Variants in PLSCR2 observed in about 807,000 individuals in gnomAD.
PLSCR2 encodes PL scramblase 2.
Under a neutral mutation model 25.3 loss-of-function variants are expected in PLSCR2, and 18 were observed. That is an observed-to-expected ratio of 0.71 (90% CI 0.49 to 1.06). The LOEUF is 1.06. PLSCR2 is among the 50% of genes least tolerant of loss of function. The pLI is 0.00. For synonymous variants in PLSCR2, 88 were observed against 87.3 expected, an observed-to-expected ratio of 1.01 and a Z score of -0.04; for missense variants, 243 against 269.5, an observed-to-expected ratio of 0.90 and a Z score of 0.69.
chr3:146,476,148 CAAG>C (rs1283425859), intron 1 of PLSCR2, among the ~76,000 whole-genome samples: 5 of 152,086 alleles, frequency 3.3e-5, no homozygotes, highest in Admixed American at 6.5e-5. Context: ...AGGCTCCCAC[CAAG>C]AAGAACGAAG....
intron 1 of PLSCR2, among the ~76,000 whole-genome samples, chr3:146,468,084 A>T (rs2041947541): frequency 6.6e-6 from 1 of 152,162 alleles, no homozygotes; most frequent in Non-Finnish European, 1.5e-5. Flanking sequence ...TTCAACAATG[A>T]GTGTACAGTA....
intron 1 of PLSCR2, among the ~76,000 whole-genome samples, chr3:146,472,385 A>T (rs2042147809): frequency 6.6e-6 from 1 of 152,188 alleles, no homozygotes; most frequent in South Asian, 2.1e-4. Flanking sequence ...ACTTCTTTTC[A>T]TGTAGTTCAT....
chr3:146,412,370 C>T (rs1468658745), intron 2 of PLSCR2, among the ~76,000 whole-genome samples: 1 of 152,092 alleles, frequency 6.6e-6, no homozygotes, highest in Non-Finnish European at 1.5e-5. Context: ...CTATGACATC[C>T]TTTGAAATCT....
chr3:146,430,549 T>C (rs2039510323), downstream of PLSCR2, among the ~76,000 whole-genome samples: 2 of 152,222 alleles, frequency 1.3e-5, no homozygotes, highest in East Asian at 1.9e-4. Context: ...CAATTCTCTA[T>C]TGAGTTTTTT....
intron 1 of PLSCR2, among the ~76,000 whole-genome samples, chr3:146,479,060 C>T (rs996731522): frequency 1.3e-5 from 2 of 152,084 alleles, no homozygotes; most frequent in Non-Finnish European, 2.9e-5. Flanking sequence ...ATTTTGTCAC[C>T]ACCAGGCCTA....
chr3:146,495,357 A>G (rs1243123534), intron 1 of PLSCR2, among the ~76,000 whole-genome samples: 2 of 152,244 alleles, frequency 1.3e-5, no homozygotes, highest in Admixed American at 1.3e-4. Flanking sequence ...TTTATATTAT[A>G]TGGGCAACAA....
chr3:146,435,528 A>G (rs2039789545), intron 8 of PLSCR2, among the ~76,000 whole-genome samples: 1 of 152,158 alleles, frequency 6.6e-6, no homozygotes, highest in Non-Finnish European at 1.5e-5. Flanking sequence ...GCCAGAGATG[A>G]TGAGCATTTT....
At chr3:146,456,737 T>A (rs532336156) in intron 3 of PLSCR2, among the ~76,000 whole-genome samples, 3 of 152,248 alleles carry the variant, frequency 2.0e-5, no homozygotes, top group South Asian at 4.1e-4. Flanking sequence ...ATAAACTGAG[T>A]AATCATCTTT....
intron 2 of PLSCR2, among the ~76,000 whole-genome samples, chr3:146,412,445 G>A (rs1160386377): frequency 6.6e-6 from 1 of 152,096 alleles, no homozygotes; most frequent in Non-Finnish European, 1.5e-5. Context: ...AGCACCATTT[G>A]GATGTCACCA....
intron 2 of PLSCR2, among the ~76,000 whole-genome samples, chr3:146,412,748 CTG>C (rs1295527655): frequency 2.0e-5 from 3 of 152,136 alleles, no homozygotes; most frequent in Non-Finnish European, 4.4e-5. Flanking sequence ...GCCCCTACTG[CTG>C]TGTCGTTCCC....
chr3:146,404,533 A>G (rs1271134890), intron 2 of PLSCR2, among the ~76,000 whole-genome samples: 3 of 152,198 alleles, frequency 2.0e-5, no homozygotes, highest in African/African-American at 7.2e-5. Context: ...TGGGGGATGC[A>G]TTCAGACCAC....
rs186761093 is a variant in PLSCR2 at position 146,471,977 on chromosome 3, C to T, written c.-292-11693G>A. On this transcript the variant is annotated intron_variant, in intron 1 of 8. Coordinates refer to the PLSCR2 transcript ENST00000336685. ...TTTTACTTTTATTTTTTCATTTTGA[C>T]TTCTGGTCTTTGAATCTTATTTTAA... Among the ~76,000 whole-genome samples, 8 of 152,298 alleles carry T rather than the reference C, an allele frequency of 5.3e-5. No individual in the cohort carries two copies. The East Asian group carries it at 1.5e-3, about 29-fold the overall frequency.
chr3:146,423,492 G>GTAC (rs1240040644), intron 2 of PLSCR2, among the ~76,000 whole-genome samples: 2 of 151,902 alleles, frequency 1.3e-5, no homozygotes, highest in African/African-American at 4.8e-5. Context: ...GTCACATAAA[G>GTAC]TAGTCATTCA....
At chr3:146,421,947 A>G (rs2039166921) in intron 2 of PLSCR2, among the ~76,000 whole-genome samples, 1 of 152,076 alleles carries the variant, frequency 6.6e-6, no homozygotes, top group Admixed American at 6.6e-5. Flanking sequence ...CTACAGCATC[A>G]TGTATTTATC....
At chr3:146,427,622 T>G (rs1414939388) in intron 2 of PLSCR2, among the ~76,000 whole-genome samples, 1 of 152,176 alleles carries the variant, frequency 6.6e-6, no homozygotes, top group Non-Finnish European at 1.5e-5. Flanking sequence ...AGTTCTTTCC[T>G]CTGTCTAAAA....
intron 2 of PLSCR2, among the ~76,000 whole-genome samples, chr3:146,415,953 AT>A (rs1241244219): frequency 4.6e-5 from 7 of 151,872 alleles, no homozygotes; most frequent in Non-Finnish European, 8.8e-5. Flanking sequence ...ATTTTTATTT[AT>A]TTTATTTTAT....
At chr3:146,490,490 T>C (rs1219975672) in intron 1 of PLSCR2, among the ~76,000 whole-genome samples, 1 of 152,192 alleles carries the variant, frequency 6.6e-6, no homozygotes, top group Non-Finnish European at 1.5e-5. Flanking sequence ...ATTGTGGTTA[T>C]CTAAGTCTCT....
intron 2 of PLSCR2, among the ~76,000 whole-genome samples, chr3:146,405,341 G>A (rs563865093): frequency 1.3e-5 from 2 of 152,260 alleles, no homozygotes; most frequent in East Asian, 3.9e-4. Context: ...GATATAGCTT[G>A]CCACAGTATC....
downstream of PLSCR2, among the ~76,000 whole-genome samples, chr3:146,441,597 A>G (rs544507228): frequency 5.7e-4 from 87 of 152,152 alleles, no homozygotes; most frequent in Non-Finnish European, 1.1e-3. Context: ...TAAAATAAAT[A>G]TTAGAATTTG....
Sources: allele counts gnomAD v4.1 joint callset (sites outside exome capture counted in the v4.1 genomes callset), GRCh38; gene constraint gnomAD v4.1.1; transcripts MANE v1.5; gene names NCBI Gene and HGNC (gene_info 2026-07-23, HGNC 2026-07-21).